The following GRHL2 variants were observed in gnomAD, a reference collection of about 807,000 sequenced individuals.
GRHL2 encodes grainyhead-like protein 2 homolog.
Under a neutral mutation model 83.8 loss-of-function variants are expected in GRHL2, and 21 were observed. The ratio of observed to expected loss-of-function variants is 0.25; its 90% CI spans 0.18 to 0.36. GRHL2 has a LOEUF of 0.36. GRHL2 is among the 10% of genes least tolerant of loss of function. The pLI is 1.00. For synonymous variants in GRHL2, 280 were observed against 278.9 expected, an observed-to-expected ratio of 1.00 and a Z score of -0.04; for missense variants, 623 against 781.8, an observed-to-expected ratio of 0.80 and a Z score of 2.42.
At chr8:101,617,263 T>C (rs370493222) in intron 8 of GRHL2, among the ~76,000 whole-genome samples, 6 of 152,150 alleles carry the variant, frequency 3.9e-5, no homozygotes, top group African/African-American at 1.4e-4. Context: ...GGTTAGGGCA[T>C]AGGGTTTCTG....
chr8:101,595,351 C>T (rs942143309), intron 7 of GRHL2, among the ~76,000 whole-genome samples: 4 of 152,166 alleles, frequency 2.6e-5, no homozygotes, highest in Non-Finnish European at 5.9e-5. Context: ...GGAAATAAAA[C>T]CTCATAATGT....
chr8:101,637,790 C>T (rs931240340), intron 12 of GRHL2, among the ~76,000 whole-genome samples: 1 of 152,184 alleles, frequency 6.6e-6, no homozygotes, highest in Non-Finnish European at 1.5e-5. Flanking sequence ...CTGATGTCTA[C>T]CTTCTTTTGA....
At chr8:101,619,449 T>TAACA (rs1381492270) in intron 8 of GRHL2, 90 bp from the exon 9 acceptor site, 3 of 1,095,108 alleles carry the variant, frequency 2.7e-6, no homozygotes, top group Non-Finnish European at 4.2e-6. Context: ...TGGGGTTGTT[T>TAACA]AGTATTTTGA....
intron 8 of GRHL2, among the ~76,000 whole-genome samples, chr8:101,616,462 C>T (rs1364374169): frequency 5.3e-5 from 8 of 152,160 alleles, no homozygotes; most frequent in Non-Finnish European, 7.3e-5. Flanking sequence ...TGAGCCACCA[C>T]GCCCAGCCTG....
At chr8:101,538,837 C>A (rs995107419) in intron 1 of GRHL2, among the ~76,000 whole-genome samples, 1 of 152,132 alleles carries the variant, frequency 6.6e-6, no homozygotes, top group African/African-American at 2.4e-5. Flanking sequence ...AAGAGAAAAC[C>A]AAATTCATTG....
At chr8:101,575,407 T>C (rs1229053823) in intron 6 of GRHL2, among the ~76,000 whole-genome samples, 1 of 152,180 alleles carries the variant, frequency 6.6e-6, no homozygotes, top group Admixed American at 6.5e-5. Flanking sequence ...ATTTTATTTC[T>C]TTATGTTCCA....
At chr8:101,600,193 G>A (rs536456112) in intron 8 of GRHL2, among the ~76,000 whole-genome samples, 3 of 152,282 alleles carry the variant, frequency 2.0e-5, no homozygotes, top group South Asian at 2.1e-4. Flanking sequence ...TGAGAAAGGC[G>A]GCCCAAATGG....
Position 101,599,139 on chromosome 8 carries a change from T to C in GRHL2, c.1086T>C (p.Asn362=), listed in dbSNP as rs1188802183. Residue 362 remains asparagine, a synonymous_variant, in exon 8 of 16, where the codon AAT becomes AAC. Transcript: ENST00000646743. ...YNAVSFTWDV[N]EEAKIFITVN... is the part of the protein sequence containing the mutation. The stretch of plus-strand genomic sequence containing the variant: ...CTGTTTCCTTTACCTGGGACGTGAA[T>C]GAAGAGGCGAAGGTGAGTGACATTG... 1 of 1,606,444 alleles carries C rather than the reference T, an allele frequency of 6.2e-7. No individual in the cohort carries two copies. Among genetic ancestry groups the C allele is most frequent in the Non-Finnish European group, 8.5e-7 (1 of 1,173,130 alleles).
chr8:101,548,942 C>T (rs1230705827), intron 2 of GRHL2, among the ~76,000 whole-genome samples: 1 of 152,198 alleles, frequency 6.6e-6, no homozygotes, highest in East Asian at 1.9e-4. Flanking sequence ...TTTCTTTGGT[C>T]CTGCCCTTTC....
At chr8:101,536,107 T>C (rs994030384) in intron 1 of GRHL2, among the ~76,000 whole-genome samples, 3 of 152,180 alleles carry the variant, frequency 2.0e-5, no homozygotes, top group Admixed American at 1.3e-4. Flanking sequence ...AGAATGGGCA[T>C]CTTTAGGAAG....
chr8:101,528,353 G>C (rs2130071317), intron 1 of GRHL2, among the ~76,000 whole-genome samples: 1 of 150,660 alleles, frequency 6.6e-6, no homozygotes, highest in African/African-American at 2.4e-5. Flanking sequence ...AACTTGTTTT[G>C]TGGTTCTTGG....
At chr8:101,569,559 T>A (rs1427921509) in intron 4 of GRHL2, among the ~76,000 whole-genome samples, 1 of 152,228 alleles carries the variant, frequency 6.6e-6, no homozygotes, top group African/African-American at 2.4e-5. Context: ...AGCCTTGAAC[T>A]CTTGGGCTCA....
chr8:101,641,099 A>G (rs7839123), intron 12 of GRHL2, among the ~76,000 whole-genome samples: 18,307 of 152,030 alleles, frequency 0.12, 2,399 homozygotes, highest in African/African-American at 0.33. Flanking sequence ...AGTAACAGTT[A>G]CTAAATCTAT....
chr8:101,558,866 A>T lies in GRHL2; in HGVS notation c.678+54A>T, dbSNP rs77694664. 3.1e-3 allele frequency: 4,853 copies of T among 1,568,448 alleles called. 204 individuals carry two copies. The East Asian group carries it at 0.093, about 30-fold the overall frequency. On this transcript the variant is annotated intron_variant, in intron 4 of 15. Coordinates refer to ENST00000646743, the MANE Select transcript of GRHL2 (RefSeq NM_024915.4). ...AACCCAAACCCAGAGCCCCTAGCTA[A>T]TTTTTTTCTATTTCCTTTCAAAGTG...
At chr8:101,567,734 T>C (rs1330728783) in intron 4 of GRHL2, among the ~76,000 whole-genome samples, 2 of 152,226 alleles carry the variant, frequency 1.3e-5, no homozygotes, top group East Asian at 3.8e-4. Context: ...CAGAATGTAG[T>C]TGAGTCTTTC....
intron 2 of GRHL2, among the ~76,000 whole-genome samples, chr8:101,550,363 A>G (rs1811354178): frequency 6.6e-6 from 1 of 152,102 alleles, no homozygotes; most frequent in Non-Finnish European, 1.5e-5. Context: ...TCCCTGCCTT[A>G]GTAGTCCCGT....
chr8:101,666,521 C>T (rs2129776919), intron 15 of GRHL2, 68 bp from the exon 16 acceptor site: 1 of 889,642 alleles, frequency 1.1e-6, no homozygotes, highest in South Asian at 1.4e-5. Flanking sequence ...CAGCCTGGAG[C>T]TCCCCTTGCC....
chr8:101,625,210 GA>G lies in GRHL2; in HGVS notation c.1257+5514del, dbSNP rs983779709. On this transcript the variant is annotated intron_variant, in intron 9 of 15. Transcript: ENST00000646743. ...AATAAAGAATAAAGTTAGAGATGAA[GA>G]GAAAGAGGGGGAAGAATTGAATAGA... Among the ~76,000 whole-genome samples, 355 of 152,188 alleles carry G rather than the reference GA, an allele frequency of 2.3e-3. 1 individual carries two copies. Among genetic ancestry groups the G allele is most frequent in the African/African-American group, 8.1e-3 (337 of 41,548 alleles).
chr8:101,632,473 A>G lies in GRHL2; in HGVS notation c.1485+108A>G, dbSNP rs1586158641. The G allele has an allele frequency of 1.5e-5, 20 of 1,312,548 alleles. No individual in the cohort carries two copies. In the East Asian group the frequency reaches 3.9e-4, roughly 26 times the overall value. The allele number at this position is 1,312,548 out of a possible 1,614,324, so 81.3% of individuals were successfully genotyped here. ...TGACCTCAAAAATAACTTACCTTCC[A>G]TTCACTAGAGAAAAAGTCAATGTCA... On this transcript the variant is annotated intron_variant, in intron 11 of 15. Transcript: ENST00000646743.
Sources: allele counts gnomAD v4.1 joint callset (sites outside exome capture counted in the v4.1 genomes callset), GRCh38; gene constraint gnomAD v4.1.1; transcripts MANE v1.5; gene names NCBI Gene and HGNC (gene_info 2026-07-23, HGNC 2026-07-21).